TOGARAM1: variants seen among roughly 807,000 people sequenced by gnomAD.
TOGARAM1 encodes TOG array regulator of axonemal microtubules protein 1.
In TOGARAM1, 100 loss-of-function variants were observed where a neutral mutation model predicts 166.6. The ratio of observed to expected loss-of-function variants is 0.60; its 90% CI spans 0.51 to 0.71. TOGARAM1 has a LOEUF of 0.71. Ranked by LOEUF, TOGARAM1 falls within the 30% of genes least tolerant of loss-of-function variation. The pLI, the probability that TOGARAM1 is intolerant of heterozygous loss-of-function variation, is 0.00. For missense variants in TOGARAM1, 2,029 were observed against 2,102.7 expected (o/e 0.96, Z 0.69); for synonymous variants, 758 against 763.8 (o/e 0.99, Z 0.13).
chr14:45,036,388 G>A (rs1881440163), intron 11 of TOGARAM1, among the ~76,000 whole-genome samples: 1 of 151,942 alleles, frequency 6.6e-6, no homozygotes, highest in Non-Finnish European at 1.5e-5. Flanking sequence ...AGATTAAAAA[G>A]CAAGACCCAA....
At chr14:45,064,069 A>G (rs1188657962) in intron 16 of TOGARAM1, among the ~76,000 whole-genome samples, 1 of 151,952 alleles carries the variant, frequency 6.6e-6, no homozygotes, top group Non-Finnish European at 1.5e-5. Flanking sequence ...GTAATTTTCT[A>G]TCCACTGACC....
At chr14:44,984,823 A>G (rs776578543) in intron 1 of TOGARAM1, among the ~76,000 whole-genome samples, 8 of 151,922 alleles carry the variant, frequency 5.3e-5, no homozygotes, top group Admixed American at 5.2e-4. Context: ...AGAAAATGGA[A>G]AAAAGAGCTA....
At chr14:44,964,562 A>T in intron 1 of TOGARAM1, 95 bp downstream of exon 1, 1 of 1,340,734 alleles carries the variant, frequency 7.5e-7, no homozygotes, top group South Asian at 1.5e-5. Flanking sequence ...TGAGGGAAAC[A>T]TGTTATGCTT....
At chr14:45,022,778 T>TA (rs1449431499) in intron 7 of TOGARAM1, 1 of 152,106 alleles carries the variant, frequency 6.6e-6, no homozygotes, top group Non-Finnish European at 1.5e-5. Context: ...TTTGCTTCAA[T>TA]ATCTGCTTGG....
chr14:45,057,083 T>C (rs1363327726), intron 16 of TOGARAM1, among the ~76,000 whole-genome samples: 1 of 152,200 alleles, frequency 6.6e-6, no homozygotes, highest in African/African-American at 2.4e-5. Context: ...GATTTCTGTT[T>C]CTTCCTAGTT....
intron 1 of TOGARAM1, among the ~76,000 whole-genome samples, chr14:44,965,198 G>T (rs918322603): frequency 1.3e-5 from 2 of 152,022 alleles, no homozygotes; most frequent in Admixed American, 6.5e-5. Flanking sequence ...AAATATCTCG[G>T]CATATATCTC....
At chr14:45,038,554 A>G (rs1480807931) in intron 11 of TOGARAM1, among the ~76,000 whole-genome samples, 1 of 152,194 alleles carries the variant, frequency 6.6e-6, no homozygotes, top group Non-Finnish European at 1.5e-5. Flanking sequence ...AGCAGCTTCC[A>G]CTGTGGGCAC....
chr14:44,962,492 GC>G lies in TOGARAM1; in HGVS notation c.73del (p.Arg25AlafsTer18). On this transcript the variant is annotated frameshift_variant, in exon 1 of 20. Coordinates refer to ENST00000361462, the MANE Select transcript of TOGARAM1 (RefSeq NM_001308120.2). LOFTEE classifies it high-confidence loss of function. ...GTCCTCTCTACCTATCGGCTCCAGA[GC>G]CGCAGTCGTCCTTCCGCCCCAGAGA... ...FPVLSTYRLQ[S>X]RSRPSAPETD... is the part of the protein sequence containing the mutation. The G allele has an allele frequency of 3.7e-6, 6 of 1,611,330 alleles. No individual in the cohort carries two copies. The highest frequency in any genetic ancestry group is 5.1e-6 in the Non-Finnish European group (6 of 1,179,140).
At chr14:45,037,500 A>G (rs1045510383) in intron 11 of TOGARAM1, among the ~76,000 whole-genome samples, 1 of 152,152 alleles carries the variant, frequency 6.6e-6, no homozygotes, top group African/African-American at 2.4e-5. Flanking sequence ...GGAATTATGG[A>G]TGCCATCTTA....
Position 44,962,311 on chromosome 14 carries a change from T to G in TOGARAM1, c.-111T>G. ...CCTGGCGGCAGGCTGAAGCTGTTCT[T>G]TTGCCTCTTCTGCAGCTTGGGGCTT... On this transcript the variant is annotated 5_prime_UTR_variant, in exon 1 of 20. Transcript: ENST00000361462. 1 of 1,350,386 alleles carries G rather than the reference T, an allele frequency of 7.4e-7. No homozygotes were observed. Among genetic ancestry groups the G allele is most frequent in the Non-Finnish European group, 9.8e-7 (1 of 1,025,516 alleles). The allele number at this position is 1,350,386 out of a possible 1,614,324, so 83.7% of individuals were successfully genotyped here.
rs369302120 is a variant in TOGARAM1, at chr14:44,969,110, TTTCCTTCC to T, written c.2046+4674_2046+4681del. On this transcript the variant is annotated intron_variant, in intron 1 of 19. Transcript: ENST00000361462. ...GTTTGATACCTCATTTCTTTCTTTCTTTCCTTCCTTCCTTCCTTCCTTCCTTCCTTCCT... is the reference window on the plus strand; with the variant it reads ...GTTTGATACCTCATTTCTTTCTTTCTTTCCTTCCTTCCTTCCTTCCTTCCT... 3.1e-3 allele frequency among the ~76,000 whole-genome samples: 433 copies of T among 139,202 alleles called. 4 individuals are homozygous for T. The highest frequency in any genetic ancestry group is 7.9e-3 in the East Asian group (38 of 4,834). 91.3% of individuals were successfully genotyped at this position (139,202 alleles called of 152,430 possible). A position where few individuals can be genotyped will look rare whatever the true frequency, so the allele number is the denominator to read the frequency against.
intron 10 of TOGARAM1, among the ~76,000 whole-genome samples, chr14:45,030,042 G>A (rs75598138): frequency 0.04 from 6,050 of 151,966 alleles, 206 homozygotes; most frequent in East Asian, 0.12. Flanking sequence ...GGCTGGTCTC[G>A]AACTCCTGAC....
intron 1 of TOGARAM1, among the ~76,000 whole-genome samples, chr14:44,991,730 TG>T (rs1234248557): frequency 6.7e-6 from 1 of 148,938 alleles, no homozygotes; most frequent in East Asian, 1.9e-4. Context: ...GATTTATTTT[TG>T]TTTTTTTTTT....
chr14:45,021,216 T>G (rs951712184), intron 7 of TOGARAM1, among the ~76,000 whole-genome samples: 2 of 152,148 alleles, frequency 1.3e-5, no homozygotes, highest in East Asian at 3.9e-4. Flanking sequence ...CCCGGACAAC[T>G]AGGATTAAAA....
chr14:45,005,211 GC>G (rs1165342283), intron 4 of TOGARAM1, among the ~76,000 whole-genome samples: 2 of 152,220 alleles, frequency 1.3e-5, no homozygotes, highest in African/African-American at 4.8e-5. Context: ...ACTGCACCTG[GC>G]TGAAACATTT....
At chr14:45,012,188 T>A in intron 7 of TOGARAM1, 113 bp downstream of exon 7, 1 of 622,750 alleles carries the variant, frequency 1.6e-6, no homozygotes, top group South Asian at 3.2e-5. Flanking sequence ...TGGTTAAGAC[T>A]AATCATTTTT....
intron 1 of TOGARAM1, among the ~76,000 whole-genome samples, chr14:44,986,971 C>G (rs1160816107): frequency 6.8e-6 from 1 of 147,736 alleles, no homozygotes; most frequent in African/African-American, 2.5e-5. Flanking sequence ...CGCCACTGCA[C>G]TCCAGCCTGG....
rs1883229475 is a variant in TOGARAM1 at position 45,068,411 on chromosome 14, A to C, written c.4750-13A>C. ...ATCATTTTACTTTAAATAATTTACCAATTTATTTTCAGATTTTTGATGCTT... is the reference window on the plus strand; with the variant it reads ...ATCATTTTACTTTAAATAATTTACCCATTTATTTTCAGATTTTTGATGCTT... On this transcript the variant is annotated splice_polypyrimidine_tract_variant and intron_variant, in intron 17 of 19. Transcript: ENST00000361462. The C allele has an allele frequency of 6.4e-7, 1 of 1,561,180 alleles. No individual in the cohort carries two copies. Among genetic ancestry groups the C allele is most frequent in the African/African-American group, 1.4e-5 (1 of 73,230 alleles).
intron 1 of TOGARAM1, among the ~76,000 whole-genome samples, chr14:44,985,559 A>G (rs1437465432): frequency 1.3e-5 from 2 of 152,150 alleles, no homozygotes; most frequent in African/African-American, 2.4e-5. Flanking sequence ...GCAGTTCACA[A>G]TAGGGTTTGT....
Sources: allele counts gnomAD v4.1 joint callset (sites outside exome capture counted in the v4.1 genomes callset), GRCh38; gene constraint gnomAD v4.1.1; transcripts MANE v1.5; gene names NCBI Gene and HGNC (gene_info 2026-07-23, HGNC 2026-07-21).